Variants in HECW2 observed in about 807,000 individuals in gnomAD.
The protein encoded by HECW2 is HECT, C2 and WW domain containing E3 ubiquitin protein ligase 2.
A neutral mutation model predicts 175.2 loss-of-function variants in HECW2; 61 were observed. The ratio of observed to expected loss-of-function variants is 0.35; its 90% CI spans 0.28 to 0.43. The LOEUF (loss-of-function observed/expected upper bound fraction) is 0.43. Ranked by LOEUF, HECW2 falls within the 20% of genes least tolerant of loss-of-function variation. The probability of loss-of-function intolerance (pLI) is 1.00; values close to 1 mark genes in which losing one functional copy is unlikely to be tolerated. For missense variants in HECW2, 1,524 were observed against 2,000.5 expected (o/e 0.76, Z 4.54); for synonymous variants, 671 against 731.0 (o/e 0.92, Z 1.32).
intron 2 of HECW2, among the ~76,000 whole-genome samples, chr2:196,348,136 A>G (rs776878923): frequency 2.6e-5 from 4 of 152,204 alleles, no homozygotes; most frequent in Non-Finnish European, 4.4e-5. Context: ...TTTTTTGTTC[A>G]CATCTTTGTT....
chr2:196,468,713 A>T (rs1172630218), intron 1 of HECW2, among the ~76,000 whole-genome samples: 2 of 152,178 alleles, frequency 1.3e-5, no homozygotes, highest in African/African-American at 4.8e-5. Context: ...ACATGAATGA[A>T]GGTCTGAGGT....
At chr2:196,411,105 C>A (rs1477335836) in intron 2 of HECW2, among the ~76,000 whole-genome samples, 1 of 152,192 alleles carries the variant, frequency 6.6e-6, no homozygotes, top group Non-Finnish European at 1.5e-5. Flanking sequence ...CTCAAGTGAT[C>A]CTCCTGCCTC....
At chr2:196,411,718 T>C (rs1216743219) in intron 2 of HECW2, among the ~76,000 whole-genome samples, 1 of 152,170 alleles carries the variant, frequency 6.6e-6, no homozygotes, top group Non-Finnish European at 1.5e-5. Flanking sequence ...TGGATCAAAA[T>C]TACATGGGAA....
chr2:196,517,206 T>A (rs1688182076), intron 1 of HECW2, among the ~76,000 whole-genome samples: 1 of 152,176 alleles, frequency 6.6e-6, no homozygotes. Flanking sequence ...GCTCATTAAA[T>A]CCTCTAAGGT....
rs1192770176 is a variant in HECW2 at position 196,195,599 on chromosome 2, C to G, written c.*5678G>C. On this transcript the variant is annotated 3_prime_UTR_variant, in exon 29 of 29. Transcript: ENST00000644978. ...TTGCAACCTCACTCTTAGGATTTCA[C>G]TTTCCAGATTAACAGAGAGCATTTA... 6.6e-6 allele frequency: 1 copy of G among 152,182 alleles called. No individual in the cohort carries two copies. Among genetic ancestry groups the G allele is most frequent in the Non-Finnish European group, 1.5e-5 (1 of 68,030 alleles). The allele number at this position is 152,182 out of a possible 1,614,324, so 9.4% of individuals were successfully genotyped here.
intron 1 of HECW2, among the ~76,000 whole-genome samples, chr2:196,575,757 G>C (rs1406306821): frequency 6.6e-6 from 1 of 152,162 alleles, no homozygotes; most frequent in Non-Finnish European, 1.5e-5. Flanking sequence ...TTGGCTTCTG[G>C]TGAGGTCTCA....
At chr2:196,235,358 C>A (rs577467426) in intron 21 of HECW2, among the ~76,000 whole-genome samples, 1 of 152,080 alleles carries the variant, frequency 6.6e-6, no homozygotes, top group East Asian at 1.9e-4. Flanking sequence ...CCTCAGCCTC[C>A]CAAAGTGCTG....
chr2:196,390,434 G>A (rs13428141), intron 2 of HECW2, among the ~76,000 whole-genome samples: 28,710 of 152,096 alleles, frequency 0.19, 3,779 homozygotes, highest in African/African-American at 0.37. Flanking sequence ...ATCACTTATC[G>A]TGACTTTGCA....
At chr2:196,215,190 T>C (rs1185776844) in intron 28 of HECW2, among the ~76,000 whole-genome samples, 1 of 152,204 alleles carries the variant, frequency 6.6e-6, no homozygotes, top group Non-Finnish European at 1.5e-5. Flanking sequence ...TCAAACACTT[T>C]TTGTACTAGT....
intron 1 of HECW2, among the ~76,000 whole-genome samples, chr2:196,578,200 G>A (rs539982381): frequency 3.9e-5 from 6 of 152,274 alleles, no homozygotes; most frequent in African/African-American, 1.4e-4. Flanking sequence ...AAGATGTGGA[G>A]TGGAAAAATA....
chr2:196,539,502 G>A (rs60524682), intron 1 of HECW2, among the ~76,000 whole-genome samples: 20,531 of 152,036 alleles, frequency 0.14, 1,488 homozygotes, highest in Middle Eastern at 0.24. Flanking sequence ...GGCTGTGGTG[G>A]CGGGCACCTG....
At chr2:196,454,197 C>T (rs933626135) in intron 1 of HECW2, among the ~76,000 whole-genome samples, 12 of 152,166 alleles carry the variant, frequency 7.9e-5, no homozygotes, top group African/African-American at 1.9e-4. Context: ...TGACCTCAAG[C>T]GATCCGCCCG....
chr2:196,285,208 A>T (rs1223409619), intron 14 of HECW2, among the ~76,000 whole-genome samples: 1 of 152,216 alleles, frequency 6.6e-6, no homozygotes, highest in Non-Finnish European at 1.5e-5. Flanking sequence ...TAAGAAAAGA[A>T]AAAGCCATCA....
At chr2:196,522,834 C>A (rs1688459627) in intron 1 of HECW2, among the ~76,000 whole-genome samples, 1 of 152,078 alleles carries the variant, frequency 6.6e-6, no homozygotes, top group East Asian at 1.9e-4. Context: ...TTCCATTGAT[C>A]TATATCTCAG....
At chr2:196,412,937 G>A (rs2125230930) in intron 2 of HECW2, among the ~76,000 whole-genome samples, 1 of 152,300 alleles carries the variant, frequency 6.6e-6, no homozygotes. Flanking sequence ...TCCAAATTCT[G>A]TCACCATCAT....
intron 2 of HECW2, among the ~76,000 whole-genome samples, chr2:196,416,573 C>T (rs1695261749): frequency 6.6e-6 from 1 of 152,074 alleles, no homozygotes; most frequent in Admixed American, 6.6e-5. Flanking sequence ...CAGTAAATGC[C>T]CATTTAACAT....
At chr2:196,304,069 T>C (rs563160217) in intron 13 of HECW2, among the ~76,000 whole-genome samples, 1 of 152,312 alleles carries the variant, frequency 6.6e-6, no homozygotes, top group South Asian at 2.1e-4. Flanking sequence ...TAAAAAACTC[T>C]AAATTACTCC....
At chr2:196,551,071 T>A (rs1459910950) in intron 1 of HECW2, among the ~76,000 whole-genome samples, 1 of 152,242 alleles carries the variant, frequency 6.6e-6, no homozygotes, top group Non-Finnish European at 1.5e-5. Flanking sequence ...TGTCTTTTTA[T>A]CCAGTAAAAA....
chr2:196,285,448 A>C (rs757594227), intron 14 of HECW2, among the ~76,000 whole-genome samples: 1 of 152,234 alleles, frequency 6.6e-6, no homozygotes, highest in Non-Finnish European at 1.5e-5. Context: ...AAGGACAATA[A>C]TTGATAAGCC....
Sources: allele counts gnomAD v4.1 joint callset (sites outside exome capture counted in the v4.1 genomes callset), GRCh38; gene constraint gnomAD v4.1.1; transcripts MANE v1.5; gene names NCBI Gene and HGNC (gene_info 2026-07-23, HGNC 2026-07-21).